The following ERMAP variants were observed in gnomAD, a reference collection of about 807,000 sequenced individuals.
ERMAP encodes the protein erythroid membrane-associated protein.
ERMAP carries 34 observed loss-of-function variants against 49.5 expected under a neutral mutation model. The ratio of observed to expected loss-of-function variants is 0.69; its 90% confidence interval spans 0.52 to 0.91. The LOEUF (loss-of-function observed/expected upper bound fraction) is 0.91, where lower values mean the gene tolerates loss of function less well. ERMAP is among the 40% of genes least tolerant of loss of function. ERMAP has a pLI of 0.00. For missense variants in ERMAP, 541 were observed against 582.6 expected (o/e 0.93, Z 0.74); for synonymous variants, 214 against 232.2 (o/e 0.92, Z 0.71).
chr1:42,821,979 C>T (rs562262384), intron 1 of ERMAP, among the ~76,000 whole-genome samples: 1 of 148,024 alleles, frequency 6.8e-6, no homozygotes, highest in Non-Finnish European at 1.5e-5. Context: ...TGCCTTTGCA[C>T]TCCAGCCTGG....
rs1557607935 is a variant in ERMAP, at chr1:42,830,428, CCT to C, written c.-5-13_-5-12del. On this transcript the variant is annotated splice_polypyrimidine_tract_variant and intron_variant, in intron 2 of 11. Transcript: ENST00000372517. ...CCCATCAGCCCGCTTGTGCTGTCTC[CCT>C]CTGTCTGTCCTAGTTCGGATGGAGA... 1.9e-6 allele frequency: 3 copies of C among 1,613,212 alleles called. No homozygotes were observed.
At chr1:42,826,778 C>G (rs1654564531) in intron 2 of ERMAP, among the ~76,000 whole-genome samples, 1 of 151,632 alleles carries the variant, frequency 6.6e-6, no homozygotes, top group Non-Finnish European at 1.5e-5. Flanking sequence ...ATTGCTTGAA[C>G]CTGGGAGGCA....
At chr1:42,822,124 T>A (rs905908632) in intron 1 of ERMAP, among the ~76,000 whole-genome samples, 1 of 151,760 alleles carries the variant, frequency 6.6e-6, no homozygotes, top group African/African-American at 2.4e-5. Context: ...AGCAACTTTT[T>A]TGAAACAAAA....
At chr1:42,829,704 G>A (rs1654657596) in intron 2 of ERMAP, among the ~76,000 whole-genome samples, 1 of 152,174 alleles carries the variant, frequency 6.6e-6, no homozygotes, top group African/African-American at 2.4e-5. Context: ...CCAGGCATTT[G>A]TGGCCAGTGC....
Position 42,825,548 on chromosome 1 carries a change from G to A in ERMAP, c.-121-75G>A. 3.3e-6 allele frequency: 4 copies of A among 1,219,096 alleles called. No homozygotes were observed. The Admixed American group carries it at 1.2e-4, about 37-fold the overall frequency. 75.5% of individuals were successfully genotyped at this position (1,219,096 alleles called of 1,614,324 possible). ...GGTTTACAGGGACAGCGAGAAGGGA[G>A]TTCTGTGGGGGCAGAGAGAGCCCTG... On this transcript the variant is annotated intron_variant, in intron 1 of 11. Coordinates refer to ENST00000372517, the MANE Select transcript of ERMAP (RefSeq NM_001017922.2).
intron 8 of ERMAP, chr1:42,839,300 G>T (rs1654990347): frequency 4.0e-6 from 1 of 248,340 alleles, no homozygotes; most frequent in African/African-American, 2.2e-5. Flanking sequence ...TCATGTGTGA[G>T]GACCTCTTTT....
At chr1:42,829,950 A>C (rs1260321811) in intron 2 of ERMAP, 1 of 160,476 alleles carries the variant, frequency 6.2e-6, no homozygotes, top group Non-Finnish European at 1.4e-5. Context: ...TTATTTATCA[A>C]GAGTCAAACT....
At chr1:42,836,139 T>G (rs148673723) in intron 6 of ERMAP, among the ~76,000 whole-genome samples, 10 of 152,170 alleles carry the variant, frequency 6.6e-5, no homozygotes, top group Non-Finnish European at 1.3e-4. Flanking sequence ...GTTTTTGCCC[T>G]CCTGGAACTT....
At chr1:42,842,387 C>A in intron 11 of ERMAP, 130 bp from the exon 12 acceptor site, 1 of 730,632 alleles carries the variant, frequency 1.4e-6, no homozygotes, top group Non-Finnish European at 2.2e-6. Flanking sequence ...ATGGTGGGGG[C>A]GGGAATCCAT....
Position 42,840,140 on chromosome 1 carries a change from C to A in ERMAP, c.659-12C>A, listed in dbSNP as rs1655014315. 1 of 1,614,172 alleles carries A rather than the reference C, an allele frequency of 6.2e-7. No homozygotes were observed. The highest frequency in any genetic ancestry group is 8.5e-7 in the Non-Finnish European group (1 of 1,180,032). On this transcript the variant is annotated splice_polypyrimidine_tract_variant and intron_variant, in intron 9 of 11. Transcript: ENST00000372517. Reference sequence around the variant, plus strand: ...CAGTGATAGCTCATTCCCCTTGTTTCTTCTTTCATAGAGTTGAAAAGAGCT... The same window carrying A: ...CAGTGATAGCTCATTCCCCTTGTTTATTCTTTCATAGAGTTGAAAAGAGCT...
chr1:42,838,228 A>G (rs575740144), intron 7 of ERMAP, among the ~76,000 whole-genome samples: 54 of 152,356 alleles, frequency 3.5e-4, no homozygotes, highest in Non-Finnish European at 6.8e-4. Flanking sequence ...TAAGCTCCTT[A>G]GGAGCCGTGT....
rs1278192292 is a variant in ERMAP, at chr1:42,819,914, C to T, written c.-122+2661C>T. ...TCTTCTTGTTTCTCCTGTGCCAAAT[C>T]CCCTGCTCTCTGGATCTTATGTTTT... On this transcript the variant is annotated intron_variant, in intron 1 of 11. Transcript: ENST00000372517. This position sits in a 1 kb window ranked among gnomAD's most constrained non-coding sequence, Gnocchi z 5.1. 2.0e-5 allele frequency among the ~76,000 whole-genome samples: 3 copies of T among 152,194 alleles called. No homozygotes were observed. The highest frequency in any genetic ancestry group is 7.2e-5 in the African/African-American group (3 of 41,444).
chr1:42,820,454 G>A (rs2124276307), intron 1 of ERMAP, among the ~76,000 whole-genome samples: 1 of 149,892 alleles, frequency 6.7e-6, no homozygotes, highest in Admixed American at 6.7e-5. Flanking sequence ...TGAACTCCTG[G>A]CTTCAAGTGA....
intron 4 of ERMAP, among the ~76,000 whole-genome samples, chr1:42,833,098 C>T (rs55733959): frequency 4.0e-4 from 61 of 152,296 alleles, no homozygotes; most frequent in East Asian, 3.5e-3. Flanking sequence ...ACAACATGGC[C>T]CTTGGCCAAG....
At chr1:42,835,876 C>A in intron 6 of ERMAP, 112 bp downstream of exon 6, 1 of 1,471,798 alleles carries the variant, frequency 6.8e-7, no homozygotes, top group East Asian at 2.5e-5. Flanking sequence ...TATCTGCTAT[C>A]CTTGGTGATG....
rs1339251017 is a variant in ERMAP, at chr1:42,819,204, T to TGC, written c.-122+1952_-122+1953insCG. 4.8e-3 allele frequency among the ~76,000 whole-genome samples: 585 copies of TGC among 121,220 alleles called. 5 individuals carry two copies. The highest frequency in any genetic ancestry group is 0.016 in the African/African-American group (513 of 31,964). The allele number at this position is 121,220 out of a possible 152,430, so 79.5% of individuals were successfully genotyped here. A position where few individuals can be genotyped will look rare whatever the true frequency, so the allele number is the denominator to read the frequency against. On this transcript the variant is annotated intron_variant, in intron 1 of 11. Transcript: ENST00000372517. The surrounding 1 kb of genome is among the most constrained non-coding windows in gnomAD (Gnocchi z 5.1). Reference sequence around the variant, plus strand: ...GTGTGTGTGTGTGTGTGTGTGTGTGTGTGCGCGCGCGCAAGAGAGGGACCG... The same window carrying TGC: ...GTGTGTGTGTGTGTGTGTGTGTGTGTGCGTGCGCGCGCGCAAGAGAGGGACCG...
chr1:42,838,910 A>C lies in ERMAP; in HGVS notation c.626A>C (p.His209Pro). The C allele has an allele frequency of 6.2e-7, 1 of 1,614,236 alleles. No homozygotes were observed. The highest frequency in any genetic ancestry group is 8.5e-7 in the Non-Finnish European group (1 of 1,180,028). Residue 209 changes from histidine to proline, a missense_variant, in exon 8 of 12, where the codon CAT becomes CCT. His to Pro is a moderately conservative substitution (Grantham distance 77, BLOSUM62 -2). Coordinates refer to ENST00000372517, the MANE Select transcript of ERMAP (RefSeq NM_001017922.2). ...SDHAKEKGKL[H>P]KAVKKLRSEL... is the part of the protein sequence containing the mutation. Reference sequence around the variant, plus strand: ...TCTTTCTGGTTTTTAGGAAAACTCCATAAAGCTGTCAGTAAGTTTTGCTCC... The same window carrying C: ...TCTTTCTGGTTTTTAGGAAAACTCCCTAAAGCTGTCAGTAAGTTTTGCTCC...
At chr1:42,823,046 T>C (rs1654443321) in intron 1 of ERMAP, among the ~76,000 whole-genome samples, 1 of 152,188 alleles carries the variant, frequency 6.6e-6, no homozygotes, top group South Asian at 2.1e-4. Context: ...TCTGCTGCAG[T>C]ATGTTTTGTG....
chr1:42,828,639 G>T (rs1305983771), intron 2 of ERMAP, among the ~76,000 whole-genome samples: 1 of 152,018 alleles, frequency 6.6e-6, no homozygotes, highest in African/African-American at 2.4e-5. Flanking sequence ...AGGACTACAG[G>T]TGCGTGCCAC....
Sources: allele counts gnomAD v4.1 joint callset (sites outside exome capture counted in the v4.1 genomes callset), GRCh38; gene constraint gnomAD v4.1.1; non-coding constraint Gnocchi (gnomAD v3.1); transcripts MANE v1.5; gene names NCBI Gene and HGNC (gene_info 2026-07-23, HGNC 2026-07-21).